The following WWOX variants were observed in gnomAD, a reference collection of about 807,000 sequenced individuals.
WWOX encodes WW domain containing oxidoreductase, also known as WW domain-containing oxidoreductase.
Under a neutral mutation model 46.2 loss-of-function variants are expected in WWOX, and 69 were observed. The observed-to-expected ratio is 1.49, with a 90% CI of 1.23 to 1.82. WWOX has a LOEUF of 1.82. WWOX is among the 40% of genes most tolerant of loss of function. The pLI is 0.00. For synonymous variants in WWOX, 359 were observed against 202.6 expected, an observed-to-expected ratio of 1.77 and a Z score of -6.56; for missense variants, 919 against 542.6, an observed-to-expected ratio of 1.69 and a Z score of -6.89.
intron 5 of WWOX, among the ~76,000 whole-genome samples, chr16:78,347,043 G>T (rs969148434): frequency 8.4e-6 from 1 of 118,374 alleles, no homozygotes; most frequent in Non-Finnish European, 2.0e-5. Flanking sequence ...TCTTTCTTGC[G>T]TTTTTGTGGG....
chr16:78,370,130 CAA>C (rs749015478), intron 5 of WWOX, among the ~76,000 whole-genome samples: 1,762 of 75,874 alleles, frequency 0.023, 11 homozygotes, highest in Non-Finnish European at 0.034. Flanking sequence ...AGACTGTCTC[CAA>C]AAAAAAAAAA....
rs75596328 is a variant in WWOX, at chr16:78,743,723, C to T, written c.1056+310971C>T. On this transcript the variant is annotated intron_variant, in intron 8 of 8. Coordinates refer to ENST00000566780, the MANE Select transcript of WWOX (RefSeq NM_016373.4). Reference sequence around the variant, plus strand: ...CATAGGAGCTGTAACTTTGTAACTTCGCTTCACCCTCTGATTGGTTGCTTT... The same window carrying T: ...CATAGGAGCTGTAACTTTGTAACTTTGCTTCACCCTCTGATTGGTTGCTTT... 9.2e-4 allele frequency among the ~76,000 whole-genome samples: 140 copies of T among 152,218 alleles called. No homozygotes were observed. The East Asian group carries it at 0.016, about 17-fold the overall frequency.
At chr16:78,465,620 T>G (rs1448809339) in intron 8 of WWOX, among the ~76,000 whole-genome samples, 2 of 152,258 alleles carry the variant, frequency 1.3e-5, no homozygotes, top group Non-Finnish European at 2.9e-5. Context: ...TTTTCAGGAA[T>G]GTGTTCATAT....
rs377310918 is a variant in WWOX at position 79,183,475 on chromosome 16, C to G, written c.1057-28133C>G. Among the ~76,000 whole-genome samples the G allele has an allele frequency of 3.3e-5, 5 of 152,322 alleles. No homozygotes were observed. The South Asian group carries it at 8.3e-4, about 25-fold the overall frequency. On this transcript the variant is annotated intron_variant, in intron 8 of 8. Coordinates refer to ENST00000566780, the MANE Select transcript of WWOX (RefSeq NM_016373.4). ...CTCAAAGAGATTAAATGTCTTATTT[C>G]TGCTTTTGGAAGATACACATTTTAT...
intron 8 of WWOX, among the ~76,000 whole-genome samples, chr16:78,626,369 A>G (rs1194185360): frequency 1.3e-5 from 2 of 152,168 alleles, no homozygotes; most frequent in African/African-American, 4.8e-5. Flanking sequence ...ACAGTTTCTC[A>G]GAATTGTCTT....
intron 8 of WWOX, among the ~76,000 whole-genome samples, chr16:79,148,974 T>C (rs1212035217): frequency 1.3e-5 from 2 of 152,182 alleles, no homozygotes; most frequent in Non-Finnish European, 2.9e-5. Flanking sequence ...TAGCCTGTCA[T>C]GTCATATGCA....
At chr16:78,830,085 G>A (rs1207168954) in intron 8 of WWOX, among the ~76,000 whole-genome samples, 2 of 151,820 alleles carry the variant, frequency 1.3e-5, no homozygotes, top group African/African-American at 2.4e-5. Flanking sequence ...TAGTAACATA[G>A]GGAGACCCTC....
At chr16:78,871,113 A>C (rs909343492) in intron 8 of WWOX, among the ~76,000 whole-genome samples, 1 of 152,222 alleles carries the variant, frequency 6.6e-6, no homozygotes, top group South Asian at 2.1e-4. Context: ...TTGAATATCA[A>C]ATGAATGAAC....
intron 4 of WWOX, among the ~76,000 whole-genome samples, chr16:78,127,456 CA>C (rs1393067358): frequency 6.9e-6 from 1 of 145,968 alleles, no homozygotes; most frequent in Admixed American, 6.8e-5. Context: ...TGAAGGAAAA[CA>C]TTTTAGAATT....
At chr16:78,469,699 C>T (rs992212448) in intron 8 of WWOX, among the ~76,000 whole-genome samples, 16 of 152,146 alleles carry the variant, frequency 1.1e-4, no homozygotes, top group African/African-American at 3.6e-4. Context: ...CCATGGACAA[C>T]CAGGCTGGGC....
chr16:79,085,674 C>T (rs562326742), intron 8 of WWOX, among the ~76,000 whole-genome samples: 4 of 152,072 alleles, frequency 2.6e-5, no homozygotes, highest in Non-Finnish European at 4.4e-5. Context: ...CTGTTAGTAC[C>T]TAGAAAAATG....
At chr16:79,060,983 T>C (rs1347151689) in intron 8 of WWOX, among the ~76,000 whole-genome samples, 3 of 152,234 alleles carry the variant, frequency 2.0e-5, no homozygotes, top group Non-Finnish European at 4.4e-5. Context: ...CTAAGGAATA[T>C]GCTGAAGCTT....
intron 1 of WWOX, among the ~76,000 whole-genome samples, chr16:78,107,825 A>G (rs1303715880): frequency 2.0e-5 from 3 of 152,172 alleles, no homozygotes; most frequent in Admixed American, 2.0e-4. Context: ...ACACAAATAA[A>G]TAAACATTTT....
chr16:78,474,723 C>T (rs1405012265), intron 8 of WWOX, among the ~76,000 whole-genome samples: 2 of 152,088 alleles, frequency 1.3e-5, no homozygotes, highest in East Asian at 3.9e-4. Context: ...TATTTTTTAC[C>T]TCCCATTCTC....
intron 5 of WWOX, among the ~76,000 whole-genome samples, chr16:78,321,831 G>A (rs544653307): frequency 2.0e-5 from 3 of 152,268 alleles, no homozygotes; most frequent in African/African-American, 7.2e-5. Flanking sequence ...AGCGACGCTT[G>A]GAGGCTGGGG....
At chr16:78,744,759 A>T (rs554058094) in intron 8 of WWOX, among the ~76,000 whole-genome samples, 126 of 152,122 alleles carry the variant, frequency 8.3e-4, no homozygotes, top group African/African-American at 3.0e-3. Flanking sequence ...CATTTCTATT[A>T]CCCGAAAACA....
intron 8 of WWOX, among the ~76,000 whole-genome samples, chr16:79,041,762 T>G (rs990237831): frequency 6.6e-6 from 1 of 152,158 alleles, no homozygotes; most frequent in Non-Finnish European, 1.5e-5. Context: ...CTTTAATGCT[T>G]TACACTTTTG....
At chr16:78,811,309 TG>T (rs1251036550) in intron 8 of WWOX, among the ~76,000 whole-genome samples, 1 of 152,222 alleles carries the variant, frequency 6.6e-6, no homozygotes, top group Non-Finnish European at 1.5e-5. Context: ...ATAGGCTCTC[TG>T]GGTTGGATAA....
At chr16:78,564,141 GC>G (rs2044507156) in intron 8 of WWOX, among the ~76,000 whole-genome samples, 1 of 152,202 alleles carries the variant, frequency 6.6e-6, no homozygotes, top group Non-Finnish European at 1.5e-5. Context: ...GCCCAGCTGA[GC>G]CCAGCCCAAA....
Sources: gnomAD v4.1 joint callset for allele counts (sites outside exome capture counted in the v4.1 genomes callset) on GRCh38, gnomAD v4.1.1 for gene constraint, MANE v1.5 for transcripts, NCBI Gene and HGNC (gene_info 2026-07-23, HGNC 2026-07-21) for gene names.